ABAT: variants seen among roughly 807,000 people sequenced by gnomAD.
ABAT encodes the protein 4-aminobutyrate aminotransferase.
In ABAT, 45 loss-of-function variants were observed where a neutral mutation model predicts 64.6. That is an observed-to-expected ratio of 0.70 (90% CI 0.55 to 0.89). The LOEUF (loss-of-function observed/expected upper bound fraction) is 0.89. ABAT is among the 40% of genes least tolerant of loss of function. ABAT has a pLI of 0.00. For missense variants in ABAT, 633 were observed against 658.4 expected, an observed-to-expected ratio of 0.96 and a Z score of 0.42; for synonymous variants, 297 against 250.5, an observed-to-expected ratio of 1.19 and a Z score of -1.75.
chr16:8,748,125 G>C lies in ABAT; in HGVS notation c.186G>C (p.Leu62=). 1 of 1,613,630 alleles carries C rather than the reference G, an allele frequency of 6.2e-7. No homozygotes were observed. Among genetic ancestry groups the C allele is most frequent in the Non-Finnish European group, 8.5e-7 (1 of 1,179,704 alleles). ...GPRSQELMKQ[L]NIIQNAEAVH... is the part of the protein sequence containing the mutation. ...GCCTGCAGGAGTTAATGAAACAGCT[G>C]AATATAATTCAGGTAAGTGAGGAGG... Residue 62 remains leucine (L), a synonymous_variant, in exon 4 of 16, where the codon CTG becomes CTC. Transcript: ENST00000268251.
intron 1 of ABAT, among the ~76,000 whole-genome samples, chr16:8,694,515 C>T (rs1483723103): frequency 6.6e-6 from 1 of 152,138 alleles, no homozygotes; most frequent in East Asian, 1.9e-4. Flanking sequence ...GCAGCTGGGA[C>T]CACAGGCACA....
intron 1 of ABAT, among the ~76,000 whole-genome samples, chr16:8,685,051 G>A (rs188823655): frequency 2.0e-5 from 3 of 152,206 alleles, no homozygotes; most frequent in Non-Finnish European, 2.9e-5. Flanking sequence ...TTGGGAGGCC[G>A]AGGTGGACAG....
chr16:8,764,241 T>C lies in ABAT; in HGVS notation c.447+92T>C. 9.2e-7 allele frequency: 1 copy of C among 1,089,982 alleles called. No individual in the cohort carries two copies. Among genetic ancestry groups the C allele is most frequent in the South Asian group, 1.3e-5 (1 of 78,470 alleles). 67.5% of individuals were successfully genotyped at this position (1,089,982 alleles called of 1,614,324 possible). ...GACGCCAACAATGAAGAATAAGGTG[T>C]TGCTACAGAAATCTTTCTCTCTGAG... On this transcript the variant is annotated intron_variant, in intron 7 of 15. Coordinates refer to ENST00000268251, the MANE Select transcript of ABAT (RefSeq NM_020686.6). The surrounding 1 kb of genome is among the most constrained non-coding windows in gnomAD (Gnocchi z 4.2).
At chr16:8,709,811 A>G (rs986306382) in intron 1 of ABAT, among the ~76,000 whole-genome samples, 1 of 148,348 alleles carries the variant, frequency 6.7e-6, no homozygotes, top group Non-Finnish European at 1.5e-5. Flanking sequence ...GTATGCTATT[A>G]GAGCAGTCAG....
At position 8,776,850 on chromosome 16, in the gene ABAT, C is replaced by T. The variant is rs886509782; in HGVS notation, c.1269+360C>T. ...CACCTCAGCCTCCCAAAGTGCTGGG[C>T]AGCGCCTGCCGGCACTGGTTATCTT... On this transcript the variant is annotated intron_variant, in intron 14 of 15. Coordinates refer to ENST00000268251, the MANE Select transcript of ABAT (RefSeq NM_020686.6). This position sits in a 1 kb window ranked among gnomAD's most constrained non-coding sequence, Gnocchi z 4.4. 1.3e-5 allele frequency among the ~76,000 whole-genome samples: 2 copies of T among 151,322 alleles called. No individual in the cohort carries two copies. The highest frequency in any genetic ancestry group is 4.9e-5 in the African/African-American group (2 of 41,198).
intron 2 of ABAT, chr16:8,736,130 T>C (rs2058924364): frequency 2.7e-6 from 1 of 369,932 alleles, no homozygotes; most frequent in African/African-American, 2.1e-5. Flanking sequence ...GGAACTCCCG[T>C]TTGTAAAAAC....
chr16:8,717,697 T>G (rs1354355596), intron 1 of ABAT, among the ~76,000 whole-genome samples: 1 of 152,224 alleles, frequency 6.6e-6, no homozygotes, highest in Non-Finnish European at 1.5e-5. Context: ...ACACTGATTT[T>G]TATACCCAGT....
chr16:8,685,457 C>G (rs2057433044), intron 1 of ABAT, among the ~76,000 whole-genome samples: 1 of 151,916 alleles, frequency 6.6e-6, no homozygotes, highest in Non-Finnish European at 1.5e-5. Context: ...ATTGCCTGAG[C>G]TCAGGAGTTC....
At chr16:8,700,715 C>T (rs2057802583) in intron 1 of ABAT, among the ~76,000 whole-genome samples, 2 of 152,160 alleles carry the variant, frequency 1.3e-5, no homozygotes, top group African/African-American at 4.8e-5. Flanking sequence ...TCCCACTCAG[C>T]TTCCCAAGTT....
chr16:8,774,679 C>T (rs966040337), intron 12 of ABAT, among the ~76,000 whole-genome samples: 4 of 152,130 alleles, frequency 2.6e-5, no homozygotes, highest in Admixed American at 2.0e-4. Flanking sequence ...TTAGGAAACA[C>T]TCAGATTCAG....
intron 5 of ABAT, among the ~76,000 whole-genome samples, chr16:8,753,432 G>A (rs1040956126): frequency 6.6e-6 from 1 of 152,172 alleles, no homozygotes; most frequent in African/African-American, 2.4e-5. Context: ...CCTTGCAGAC[G>A]CCTGCCCCTG....
At chr16:8,705,960 C>A (rs955290057) in intron 1 of ABAT, among the ~76,000 whole-genome samples, 1 of 152,106 alleles carries the variant, frequency 6.6e-6, no homozygotes, top group Admixed American at 6.6e-5. Context: ...ATAGTTCTGT[C>A]CTTTGAGGGA....
intron 2 of ABAT, chr16:8,736,870 C>A (rs186639814): frequency 1.3e-5 from 2 of 152,342 alleles, no homozygotes; most frequent in Non-Finnish European, 2.9e-5. Flanking sequence ...GCTCTGGAGA[C>A]AGAGCCGCCA....
intron 2 of ABAT, among the ~76,000 whole-genome samples, chr16:8,742,747 T>A (rs1484263444): frequency 6.6e-6 from 1 of 150,818 alleles, no homozygotes; most frequent in African/African-American, 2.4e-5. Flanking sequence ...ATGCCTGTGA[T>A]CCCAGCTACT....
chr16:8,776,410 A>G lies in ABAT; in HGVS notation c.1189A>G (p.Asn397Asp), dbSNP rs1188895738. The change falls in exon 14 of 16, where the codon AAC becomes GAC. Residue 397 changes from asparagine to aspartate, a missense_variant. Physicochemically the swap from Asn to Asp is conservative, Grantham distance 23. Coordinates refer to ENST00000268251, the MANE Select transcript of ABAT (RefSeq NM_020686.6). This position sits in a 1 kb window ranked among gnomAD's most constrained non-coding sequence, Gnocchi z 4.4. The part of the protein sequence containing the change: ...SKNLLLAEVI[N>D]IIKREDLLNN... Reference sequence around the variant, plus strand: ...GAACCTGTTGCTGGCTGAGGTCATCAACATCATCAAGCGGGAGGACCTGCT... The same window carrying G: ...GAACCTGTTGCTGGCTGAGGTCATCGACATCATCAAGCGGGAGGACCTGCT... 1 of 1,614,166 alleles carries G rather than the reference A, an allele frequency of 6.2e-7. No individual in the cohort carries two copies. Among genetic ancestry groups the G allele is most frequent in the East Asian group, 2.2e-5 (1 of 44,872 alleles).
intron 1 of ABAT, among the ~76,000 whole-genome samples, chr16:8,712,005 C>CGGG (rs60186520): frequency 8.9e-4 from 134 of 150,550 alleles, no homozygotes; most frequent in African/African-American, 2.5e-3. Flanking sequence ...TTTGGGAGGT[C>CGGG]GGGGGGGAGG....
chr16:8,766,385 T>A, intron 9 of ABAT, 115 bp downstream of exon 9: 1 of 1,011,148 alleles, frequency 9.9e-7, no homozygotes, highest in Non-Finnish European at 1.5e-6. Flanking sequence ...CCAGGCGCGG[T>A]GGCTCATGCC....
At chr16:8,725,779 T>C (rs1011160037) in intron 1 of ABAT, among the ~76,000 whole-genome samples, 1 of 152,206 alleles carries the variant, frequency 6.6e-6, no homozygotes, top group African/African-American at 2.4e-5. Context: ...GGTCATGTAG[T>C]AGTAATTCTA....
At chr16:8,736,559 C>T (rs1481475207) in intron 2 of ABAT, 1 of 152,442 alleles carries the variant, frequency 6.6e-6, no homozygotes, top group Non-Finnish European at 1.5e-5. Flanking sequence ...TGACCTAGAG[C>T]CCAGCTGTGC....
Sources: allele counts gnomAD v4.1 joint callset (sites outside exome capture counted in the v4.1 genomes callset), GRCh38; gene constraint gnomAD v4.1.1; non-coding constraint Gnocchi (gnomAD v3.1); transcripts MANE v1.5; gene names NCBI Gene and HGNC (gene_info 2026-07-23, HGNC 2026-07-21).